ROBO2: variants seen among roughly 807,000 people sequenced by gnomAD.
The protein encoded by ROBO2 is roundabout homolog 2.
A neutral mutation model predicts 160.8 loss-of-function variants in ROBO2; 53 were observed. That is an observed-to-expected ratio of 0.33 (90% CI 0.26 to 0.41). ROBO2 has a LOEUF of 0.41. Among genes scored for constraint, ROBO2 ranks in the 10% least tolerant of loss-of-function variants. The pLI, the probability that ROBO2 is intolerant of heterozygous loss-of-function variation, is 1.00. For synonymous variants in ROBO2, 664 were observed against 611.7 expected (o/e 1.09, Z -1.26); for missense variants, 1,577 against 1,722.4 (o/e 0.92, Z 1.49).
chr3:76,765,726 T>C (rs890077053), intron 2 of ROBO2, among the ~76,000 whole-genome samples: 3 of 151,640 alleles, frequency 2.0e-5, no homozygotes, highest in Non-Finnish European at 4.4e-5. Flanking sequence ...GATGTCCAGT[T>C]CAGCTAACAT....
chr3:77,153,727 T>C, intron 2 of ROBO2, among the ~76,000 whole-genome samples: 1 of 152,120 alleles, frequency 6.6e-6, no homozygotes, highest in Middle Eastern at 3.2e-3. Flanking sequence ...AGCCACATTT[T>C]CATGGTATAA....
chr3:76,910,110 A>G (rs1328776491), intron 2 of ROBO2, among the ~76,000 whole-genome samples: 5 of 152,162 alleles, frequency 3.3e-5, no homozygotes, highest in African/African-American at 7.2e-5. Flanking sequence ...AGCCTAGGTC[A>G]AAGTGGTTGG....
chr3:76,351,967 T>C (rs1228688063), intron 2 of ROBO2, among the ~76,000 whole-genome samples: 1 of 152,030 alleles, frequency 6.6e-6, no homozygotes, highest in African/African-American at 2.4e-5. Flanking sequence ...TACAATGTCA[T>C]AACTATCATA....
chr3:76,187,403 T>C (rs1701815747), intron 2 of ROBO2, among the ~76,000 whole-genome samples: 1 of 152,020 alleles, frequency 6.6e-6, no homozygotes, highest in African/African-American at 2.4e-5. Flanking sequence ...GCCTCCTGAG[T>C]AGCTGGGACA....
chr3:76,310,573 G>A (rs1304334598), intron 2 of ROBO2, among the ~76,000 whole-genome samples: 4 of 152,094 alleles, frequency 2.6e-5, no homozygotes, highest in Non-Finnish European at 5.9e-5. Flanking sequence ...AATCATTAGT[G>A]CCGATGCAAT....
At chr3:76,645,848 T>G (rs2090940468) in intron 2 of ROBO2, among the ~76,000 whole-genome samples, 1 of 152,334 alleles carries the variant, frequency 6.6e-6, no homozygotes, top group Non-Finnish European at 1.5e-5. Context: ...TACTACAGTA[T>G]GTATTTTTTA....
intron 2 of ROBO2, among the ~76,000 whole-genome samples, chr3:77,154,532 A>C (rs954707274): frequency 2.6e-5 from 4 of 152,064 alleles, no homozygotes; most frequent in African/African-American, 9.7e-5. Flanking sequence ...TATATATCCA[A>C]AAGAAAACAA....
At chr3:77,010,478 A>G (rs941644402) in intron 2 of ROBO2, among the ~76,000 whole-genome samples, 4 of 152,158 alleles carry the variant, frequency 2.6e-5, no homozygotes, top group East Asian at 1.9e-4. Context: ...TAAATGACCC[A>G]TAATTCCACA....
intron 2 of ROBO2, among the ~76,000 whole-genome samples, chr3:76,414,769 A>T (rs905879239): frequency 3.4e-5 from 5 of 148,400 alleles, no homozygotes; most frequent in African/African-American, 5.0e-5. Flanking sequence ...AGTATAATTT[A>T]AAAAAAAAAA....
At chr3:75,998,887 T>C (rs2065803562) in intron 2 of ROBO2, among the ~76,000 whole-genome samples, 1 of 152,240 alleles carries the variant, frequency 6.6e-6, no homozygotes, top group Admixed American at 6.5e-5. Flanking sequence ...TTGCATGACT[T>C]CTTCATACTC....
intron 2 of ROBO2, among the ~76,000 whole-genome samples, chr3:76,454,041 C>G (rs1292750479): frequency 6.6e-6 from 1 of 152,116 alleles, no homozygotes; most frequent in Non-Finnish European, 1.5e-5. Context: ...TCCAAAGACA[C>G]TAAAATTGAT....
chr3:77,328,785 A>G (rs138175626), intron 2 of ROBO2, among the ~76,000 whole-genome samples: 66 of 152,338 alleles, frequency 4.3e-4, no homozygotes, highest in African/African-American at 1.4e-3. Context: ...TGTTATTCCC[A>G]CATGCTGTTC....
intron 2 of ROBO2, among the ~76,000 whole-genome samples, chr3:76,550,178 C>A (rs866226770): frequency 2.0e-5 from 3 of 152,106 alleles, no homozygotes; most frequent in African/African-American, 7.2e-5. Context: ...TTATAAATGA[C>A]CACTTCTAAC....
chr3:76,129,184 G>C (rs145444184), intron 2 of ROBO2, among the ~76,000 whole-genome samples: 2 of 151,940 alleles, frequency 1.3e-5, no homozygotes, highest in African/African-American at 2.4e-5. Context: ...TTGATCTATC[G>C]ATGACCAAAG....
intron 2 of ROBO2, among the ~76,000 whole-genome samples, chr3:76,872,335 T>C (rs2072189976): frequency 6.6e-6 from 1 of 152,078 alleles, no homozygotes; most frequent in Non-Finnish European, 1.5e-5. Flanking sequence ...TTTAGAAAAA[T>C]ATAAAAAATA....
At chr3:76,228,065 A>G in intron 2 of ROBO2, among the ~76,000 whole-genome samples, 1 of 152,210 alleles carries the variant, frequency 6.6e-6, no homozygotes, top group East Asian at 1.9e-4. Flanking sequence ...TTTATGCTAG[A>G]ATTTTATAGT....
At chr3:76,843,693 G>A (rs1256354464) in intron 2 of ROBO2, among the ~76,000 whole-genome samples, 1 of 151,944 alleles carries the variant, frequency 6.6e-6, no homozygotes, top group Non-Finnish European at 1.5e-5. Context: ...TGGCTTAATA[G>A]AAATGCAGAA....
intron 2 of ROBO2, among the ~76,000 whole-genome samples, chr3:76,673,044 A>G (rs1193041931): frequency 6.6e-6 from 1 of 152,056 alleles, no homozygotes; most frequent in Non-Finnish European, 1.5e-5. Flanking sequence ...TGAAGCAGTA[A>G]TGGTGGGGAA....
At chr3:76,444,632 A>G (rs2077080567) in intron 2 of ROBO2, among the ~76,000 whole-genome samples, 1 of 152,158 alleles carries the variant, frequency 6.6e-6, no homozygotes, top group Non-Finnish European at 1.5e-5. Context: ...TCATGAGAAC[A>G]GCATGGGGGA....
Sources: gnomAD v4.1 joint callset for allele counts (sites outside exome capture counted in the v4.1 genomes callset) on GRCh38, gnomAD v4.1.1 for gene constraint, MANE v1.5 for transcripts, NCBI Gene and HGNC (gene_info 2026-07-23, HGNC 2026-07-21) for gene names.